Variants in ZNF207 observed in about 807,000 individuals in gnomAD.
ZNF207 encodes zinc finger protein 207.
ZNF207 carries 24 observed loss-of-function variants against 60.2 expected under a neutral mutation model. The ratio of observed to expected loss-of-function variants is 0.40; its 90% CI spans 0.29 to 0.56. The LOEUF is 0.56. Ranked by LOEUF, ZNF207 falls within the 20% of genes least tolerant of loss-of-function variation. The pLI is 0.49. For missense variants in ZNF207, 452 were observed against 636.6 expected (o/e 0.71, Z 3.12); for synonymous variants, 236 against 194.7 (o/e 1.21, Z -1.77).
Position 32,358,617 on chromosome 17 carries a change from C to T in ZNF207, c.283C>T (p.Arg95Ter). 2.6e-6 allele frequency: 4 copies of T among 1,525,624 alleles called. No homozygotes were observed. Among genetic ancestry groups the T allele is most frequent in the Admixed American group, 2.3e-5 (1 of 44,166 alleles). The allele number at this position is 1,525,624 out of a possible 1,614,324, so 94.5% of individuals were successfully genotyped here. A position where few individuals can be genotyped will look rare whatever the true frequency, so the allele number is the denominator to read the frequency against. ...AGAAAAAGACATGGATGAAAGACGACGACTTCTTGAACAGAAAACACAAGG... is the reference window on the plus strand; with the variant it reads ...AGAAAAAGACATGGATGAAAGACGATGACTTCTTGAACAGAAAACACAAGG... The part of the protein sequence containing the change: ...IPEKDMDERR[R>*]LLEQKTQESQ... The change falls in exon 3 of 12, where the codon CGA becomes TGA. Residue 95 changes from arginine (R) to a stop codon, truncating the protein, a stop_gained. Transcript: ENST00000394670. LOFTEE classifies it high-confidence loss of function.
In ZNF207 at chr17:32,365,576, A is replaced by G. The variant is rs148462045; in HGVS notation, c.828+89A>G. On this transcript the variant is annotated intron_variant, in intron 8 of 11. Transcript: ENST00000394670. ...AAGTCTTTGAAATTTTCATAGGTCA[A>G]TTTTTTTGTTTATAATATTTTTAAT... 1,804 of 1,258,636 alleles carry G rather than the reference A, an allele frequency of 1.4e-3. 20 individuals are homozygous for G. In the African/African-American group the frequency reaches 0.024, roughly 17 times the overall value. 78.0% of individuals were successfully genotyped at this position (1,258,636 alleles called of 1,614,324 possible).
In ZNF207 at chr17:32,378,198, G is replaced by A. The variant is rs189035287; in HGVS notation, c.*8439G>A. 1 of 152,124 alleles carries A rather than the reference G, an allele frequency of 6.6e-6. No homozygotes were observed. Among genetic ancestry groups the A allele is most frequent in the East Asian group, 1.9e-4 (1 of 5,184 alleles). The allele number at this position is 152,124 out of a possible 1,614,324, so 9.4% of individuals were successfully genotyped here. A position where few individuals can be genotyped will look rare whatever the true frequency, so the allele number is the denominator to read the frequency against. The stretch of plus-strand genomic sequence containing the variant: ...AATACTGCTCCTTTGTTATCTCCTT[G>A]TGGTTCAACCTAAGTAGATACATTG... On this transcript the variant is annotated 3_prime_UTR_variant, in exon 12 of 12. Coordinates refer to ENST00000394670, the MANE Select transcript of ZNF207 (RefSeq NM_001098507.2).
At chr17:32,365,520 AT>A in intron 8 of ZNF207, 33 bp downstream of exon 8, 1 of 1,604,568 alleles carries the variant, frequency 6.2e-7, no homozygotes, top group Middle Eastern at 1.7e-4. Flanking sequence ...GAGTGCACTT[AT>A]ATTTAAAGAT....
chr17:32,363,567 T>A (rs1905007323), intron 7 of ZNF207, among the ~76,000 whole-genome samples: 2 of 110,852 alleles, frequency 1.8e-5, no homozygotes, highest in Non-Finnish European at 3.7e-5. Context: ...TGAGATGGAA[T>A]CTCGCTCTGT....
intron 5 of ZNF207, 62 bp from the exon 6 acceptor site, chr17:32,361,406 C>A: frequency 6.8e-7 from 1 of 1,461,010 alleles, no homozygotes; most frequent in Admixed American, 1.8e-5. Flanking sequence ...GTATACAATA[C>A]ACTTTCCCAC....
In ZNF207 at chr17:32,377,000, G is replaced by C. The variant is rs1366115758; in HGVS notation, c.*7241G>C. 13 of 151,970 alleles carry C rather than the reference G, an allele frequency of 8.6e-5. No homozygotes were observed. Among genetic ancestry groups the C allele is most frequent in the Non-Finnish European group, 2.9e-5 (2 of 67,880 alleles). The allele number at this position is 151,970 out of a possible 1,614,324, so 9.4% of individuals were successfully genotyped here. On this transcript the variant is annotated 3_prime_UTR_variant, in exon 12 of 12. Transcript: ENST00000394670. The stretch of plus-strand genomic sequence containing the variant: ...TGGTTTGCATTTTACTATTATGGTG[G>C]AATCTGTGTTCCTTCACCATTGGTT...
rs1905560825 is a variant in ZNF207 at position 32,373,708 on chromosome 17, T to G, written c.*3949T>G. The G allele has an allele frequency of 3.1e-6, 1 of 324,110 alleles. No individual in the cohort carries two copies. The highest frequency in any genetic ancestry group is 5.5e-6 in the Non-Finnish European group (1 of 181,436). The allele number at this position is 324,110 out of a possible 1,614,324, so 20.1% of individuals were successfully genotyped here. On this transcript the variant is annotated 3_prime_UTR_variant, in exon 12 of 12. Transcript: ENST00000394670. ...ACATAATTAACAGCTTCAGTAAAGC[T>G]TGTGTTCCTATATTGAACTTCAATA...
chr17:32,357,347 TA>T (rs1433625358), intron 2 of ZNF207, among the ~76,000 whole-genome samples: 1,676 of 69,478 alleles, frequency 0.024, 49 homozygotes, highest in East Asian at 0.063. Context: ...TTATTATTAT[TA>T]TTATTTTTTT....
At position 32,369,356 on chromosome 17, in the gene ZNF207, C is replaced by T; in HGVS notation, c.1226C>T (p.Pro409Leu). Residue 409 changes from proline (P) to leucine (L), a missense_variant, in exon 11 of 12, where the codon CCC becomes CTC. Physicochemically the swap from Pro to Leu is moderately conservative, Grantham distance 98. This residue lies in a region of ZNF207 where 390 missense variants were observed against 461.4 expected (regional missense o/e 0.85). Transcript: ENST00000394670. ...QRNLPRPGQAPIGNPPVGPIG... is the reference protein window; with the variant it reads ...QRNLPRPGQALIGNPPVGPIG... Reference sequence around the variant, plus strand: ...AATCTTCCTCGGCCAGGACAGGCCCCCATCGGTAATCCACCAGTTGGACCA... The same window carrying T: ...AATCTTCCTCGGCCAGGACAGGCCCTCATCGGTAATCCACCAGTTGGACCA... The T allele has an allele frequency of 1.2e-6, 2 of 1,614,132 alleles. No homozygotes were observed. The highest frequency in any genetic ancestry group is 1.7e-6 in the Non-Finnish European group (2 of 1,180,026).
At chr17:32,352,077 T>C (rs2041518224) in intron 2 of ZNF207, among the ~76,000 whole-genome samples, 165 bp downstream of exon 2, 1 of 152,162 alleles carries the variant, frequency 6.6e-6, no homozygotes, top group South Asian at 2.1e-4. Flanking sequence ...AAGCTATTCT[T>C]CTGCCTCAGC....
At chr17:32,351,251 ATTGC>A (rs908088570) in intron 1 of ZNF207, 1 of 180,616 alleles carries the variant, frequency 5.5e-6, no homozygotes, top group African/African-American at 2.4e-5. Flanking sequence ...ATTTAAATAC[ATTGC>A]TTGGCAACAT....
At position 32,350,240 on chromosome 17, in the gene ZNF207, C is replaced by T. The variant is rs2041476537; in HGVS notation, c.-46C>T. ...GTGAGGGATTTTTGGCCTCGTTTCT[C>T]CTGCTTCTTTTCTCCTCCCTTTTAC... is the stretch of plus-strand genomic sequence containing the variant. On this transcript the variant is annotated 5_prime_UTR_variant, in exon 1 of 12. Transcript: ENST00000394670. The T allele has an allele frequency of 3.7e-6, 6 of 1,613,512 alleles. No individual in the cohort carries two copies. Among genetic ancestry groups the T allele is most frequent in the Non-Finnish European group, 4.2e-6 (5 of 1,179,534 alleles).
chr17:32,367,526 T>C (rs1315646438), intron 9 of ZNF207, among the ~76,000 whole-genome samples: 1 of 151,960 alleles, frequency 6.6e-6, no homozygotes. Flanking sequence ...AGAAGACATC[T>C]AACAAGTTAA....
chr17:32,361,897 A>C (rs1597779475), intron 6 of ZNF207, among the ~76,000 whole-genome samples: 1 of 152,182 alleles, frequency 6.6e-6, no homozygotes, highest in Non-Finnish European at 1.5e-5. Context: ...TAAATCAAGA[A>C]CTGAATTTAC....
Position 32,370,020 on chromosome 17 carries a change from G to T in ZNF207, c.*261G>T. On this transcript the variant is annotated 3_prime_UTR_variant, in exon 12 of 12. Transcript: ENST00000394670. ...TCTAGGTTTTTAGAAGTGAAGTATA[G>T]TAAATTTGGTTCGTTAAATTGTGAA... 6.4e-6 allele frequency: 2 copies of T among 314,152 alleles called. No homozygotes were observed. The highest frequency in any genetic ancestry group is 1.1e-5 in the Non-Finnish European group (2 of 179,278). 19.5% of individuals were successfully genotyped at this position (314,152 alleles called of 1,614,324 possible). A position where few individuals can be genotyped will look rare whatever the true frequency, so the allele number is the denominator to read the frequency against.
At chr17:32,355,135 G>A (rs893213235) in intron 2 of ZNF207, among the ~76,000 whole-genome samples, 2 of 152,164 alleles carry the variant, frequency 1.3e-5, no homozygotes, top group African/African-American at 4.8e-5. Flanking sequence ...GGTGGCTCAC[G>A]CCTGTAATCA....
Position 32,373,520 on chromosome 17 carries a change from C to A in ZNF207, c.*3761C>A. The A allele has an allele frequency of 2.1e-6, 1 of 473,036 alleles. No individual in the cohort carries two copies. Among genetic ancestry groups the A allele is most frequent in the Non-Finnish European group, 3.8e-6 (1 of 262,868 alleles). The allele number at this position is 473,036 out of a possible 1,614,324, so 29.3% of individuals were successfully genotyped here. A position where few individuals can be genotyped will look rare whatever the true frequency, so the allele number is the denominator to read the frequency against. On this transcript the variant is annotated 3_prime_UTR_variant, in exon 12 of 12. Coordinates refer to ENST00000394670, the MANE Select transcript of ZNF207 (RefSeq NM_001098507.2). ...CTTTATGGCTGTTGGATATTTATGT[C>A]CCCAAACTTGCAGCAAGTTTGGTGA...
Position 32,350,254 on chromosome 17 carries a change from C to T in ZNF207, c.-32C>T, listed in dbSNP as rs1290484834. ...GCCTCGTTTCTCCTGCTTCTTTTCT[C>T]CTCCCTTTTACTTTGCCGGTAGAAC... is the stretch of plus-strand genomic sequence containing the variant. On this transcript the variant is annotated 5_prime_UTR_variant, in exon 1 of 12. Transcript: ENST00000394670. 2.5e-6 allele frequency: 4 copies of T among 1,613,896 alleles called. No individual in the cohort carries two copies. The highest frequency in any genetic ancestry group is 1.7e-4 in the Middle Eastern group (1 of 6,054).
At chr17:32,356,310 A>G (rs533427098) in intron 2 of ZNF207, among the ~76,000 whole-genome samples, 1 of 152,330 alleles carries the variant, frequency 6.6e-6, no homozygotes, top group Non-Finnish European at 1.5e-5. Context: ...ATTAGTGTGT[A>G]TGTGAATGTA....
Sources: allele counts gnomAD v4.1 joint callset (sites outside exome capture counted in the v4.1 genomes callset), GRCh38; gene constraint gnomAD v4.1.1; regional missense constraint gnomAD v4.1.1; transcripts MANE v1.5; gene names NCBI Gene and HGNC (gene_info 2026-07-23, HGNC 2026-07-21).